The following WASF2 variants were observed in gnomAD, a reference collection of about 807,000 sequenced individuals.
WASF2 encodes the protein actin-binding protein WASF2.
Under a neutral mutation model 45.0 loss-of-function variants are expected in WASF2, and 14 were observed. The observed-to-expected ratio is 0.31, with a 90% CI of 0.21 to 0.49. The LOEUF (loss-of-function observed/expected upper bound fraction) is 0.49, where lower values mean the gene tolerates loss of function less well. Among genes scored for constraint, WASF2 ranks in the 20% least tolerant of loss-of-function variants. WASF2 has a pLI of 0.99. For synonymous variants in WASF2, 200 were observed against 236.3 expected, an observed-to-expected ratio of 0.85 and a Z score of 1.41; for missense variants, 439 against 636.1, an observed-to-expected ratio of 0.69 and a Z score of 3.33.
intron 1 of WASF2, among the ~76,000 whole-genome samples, chr1:27,432,054 CA>C (rs2017072361): frequency 6.6e-6 from 1 of 152,086 alleles, no homozygotes; most frequent in Non-Finnish European, 1.5e-5. Flanking sequence ...TTTGGATAAT[CA>C]AGGATTGGTT....
intron 2 of WASF2, 56 bp downstream of exon 2, chr1:27,428,705 A>C (rs2148111854): frequency 6.2e-7 from 1 of 1,613,310 alleles, no homozygotes; most frequent in South Asian, 1.1e-5. Flanking sequence ...AAGGAAACTA[A>C]ATAAAGAGCA....
intron 1 of WASF2, among the ~76,000 whole-genome samples, chr1:27,468,243 T>C (rs926516825): frequency 6.6e-6 from 1 of 151,972 alleles, no homozygotes; most frequent in Non-Finnish European, 1.5e-5. Flanking sequence ...GATAGAGGAA[T>C]ATAAATGAAT....
intron 8 of WASF2, among the ~76,000 whole-genome samples, chr1:27,409,030 G>A (rs1427706283): frequency 6.6e-6 from 1 of 151,712 alleles, no homozygotes; most frequent in African/African-American, 2.4e-5. Context: ...ACCCTTCGGA[G>A]AAACTGATGA....
intron 1 of WASF2, among the ~76,000 whole-genome samples, chr1:27,444,410 C>T (rs187552210): frequency 1.3e-5 from 2 of 152,260 alleles, no homozygotes; most frequent in East Asian, 1.9e-4. Context: ...GATGTGATAA[C>T]ATATGTAAGC....
At position 27,477,681 on chromosome 1, in the gene WASF2, C is replaced by CTTGAAACCAG. The variant is rs2017784712; in HGVS notation, c.-44+12304_-44+12305insCTGGTTTCAA. Among the ~76,000 whole-genome samples, 2 of 104,898 alleles carry CTTGAAACCAG rather than the reference C, an allele frequency of 1.9e-5. 1 individual carries two copies. Among genetic ancestry groups the CTTGAAACCAG allele is most frequent in the South Asian group, 7.6e-4 (2 of 2,632 alleles). The allele number at this position is 104,898 out of a possible 152,430, so 68.8% of individuals were successfully genotyped here. ...TTGGGAGGCCGAGGCGGGCGGATCA[C>CTTGAAACCAG]GAGGTCAGGAGATCGAGACCATCCC... is the stretch of plus-strand genomic sequence containing the variant. On this transcript the variant is annotated intron_variant, in intron 1 of 8. Transcript: ENST00000618852.
At chr1:27,489,813 G>T (rs1322250474) in intron 1 of WASF2, among the ~76,000 whole-genome samples, 173 bp downstream of exon 1, 1 of 152,184 alleles carries the variant, frequency 6.6e-6, no homozygotes, top group Non-Finnish European at 1.5e-5. Context: ...CCTCCCTGAG[G>T]GGGTGGGGTG....
At chr1:27,425,289 T>A (rs1162537950) in intron 2 of WASF2, among the ~76,000 whole-genome samples, 1 of 152,208 alleles carries the variant, frequency 6.6e-6, no homozygotes, top group Non-Finnish European at 1.5e-5. Flanking sequence ...GGTCTCAGTA[T>A]ATTGCCAGGA....
At chr1:27,439,709 C>T (rs1445643417) in intron 1 of WASF2, among the ~76,000 whole-genome samples, 1 of 152,124 alleles carries the variant, frequency 6.6e-6, no homozygotes, top group Non-Finnish European at 1.5e-5. Flanking sequence ...CCTTAAAGAT[C>T]TGAACTGGGG....
chr1:27,412,561 C>A lies in WASF2; in HGVS notation c.824+11G>T. On this transcript the variant is annotated intron_variant, in intron 7 of 8. Transcript: ENST00000618852. ...CTACCAATAGTGGATGGAGTAGGTA[C>A]CACCATTTACCTGAATTCTGCTGGT... 1 of 1,614,132 alleles carries A rather than the reference C, an allele frequency of 6.2e-7. No individual in the cohort carries two copies. Among genetic ancestry groups the A allele is most frequent in the Non-Finnish European group, 8.5e-7 (1 of 1,180,002 alleles).
intron 1 of WASF2, among the ~76,000 whole-genome samples, chr1:27,467,819 G>A (rs2017636137): frequency 6.6e-6 from 1 of 151,834 alleles, no homozygotes; most frequent in African/African-American, 2.4e-5. Context: ...GGCTGAGGCA[G>A]GAGAATCGCT....
intron 7 of WASF2, 42 bp downstream of exon 7, chr1:27,412,530 G>A (rs1557595816): frequency 6.2e-7 from 1 of 1,611,816 alleles, no homozygotes; most frequent in East Asian, 2.2e-5. Context: ...GTTCTCAAGT[G>A]TATAACTACC....
chr1:27,469,801 G>A (rs2017665557), intron 1 of WASF2, among the ~76,000 whole-genome samples: 1 of 152,076 alleles, frequency 6.6e-6, no homozygotes, highest in South Asian at 2.1e-4. Context: ...AATTAGCCAG[G>A]TGTGGTGGTG....
intron 2 of WASF2, among the ~76,000 whole-genome samples, chr1:27,426,946 G>A (rs2016989491): frequency 6.6e-6 from 1 of 152,074 alleles, no homozygotes; most frequent in South Asian, 2.1e-4. Flanking sequence ...CATAAAGTAG[G>A]CAATCAACAA....
intron 1 of WASF2, among the ~76,000 whole-genome samples, chr1:27,483,935 G>A (rs2017888789): frequency 6.6e-6 from 1 of 152,142 alleles, no homozygotes; most frequent in African/African-American, 2.4e-5. Flanking sequence ...ACTCAAGCCA[G>A]GGCAACAGAG....
intron 1 of WASF2, among the ~76,000 whole-genome samples, chr1:27,433,720 G>A (rs1179288478): frequency 6.6e-6 from 1 of 152,174 alleles, no homozygotes; most frequent in Non-Finnish European, 1.5e-5. Context: ...GCAGGGGTGA[G>A]TCCAGCCCCT....
intron 1 of WASF2, among the ~76,000 whole-genome samples, chr1:27,440,859 A>AAG (rs2017215308): frequency 6.6e-6 from 1 of 152,144 alleles, no homozygotes; most frequent in Non-Finnish European, 1.5e-5. Context: ...GTGGTCCCAT[A>AAG]AGATCATAAC....
chr1:27,455,128 CAG>C (rs2017450652), intron 1 of WASF2, among the ~76,000 whole-genome samples: 1 of 152,070 alleles, frequency 6.6e-6, no homozygotes, highest in African/African-American at 2.4e-5. Flanking sequence ...CATTTTTTGT[CAG>C]ACTTTAATTT....
intron 1 of WASF2, among the ~76,000 whole-genome samples, chr1:27,485,354 G>A (rs777292768): frequency 2.0e-5 from 3 of 152,032 alleles, no homozygotes; most frequent in East Asian, 1.9e-4. Context: ...AGGCCAAGGC[G>A]GGAAGATCAC....
intron 7 of WASF2, among the ~76,000 whole-genome samples, chr1:27,411,283 C>T (rs146951087): frequency 7.5e-4 from 114 of 152,374 alleles, no homozygotes; most frequent in African/African-American, 2.5e-3. Flanking sequence ...ACGGAGAAAA[C>T]AGTGCAATCT....
Sources: allele counts gnomAD v4.1 joint callset (sites outside exome capture counted in the v4.1 genomes callset), GRCh38; gene constraint gnomAD v4.1.1; transcripts MANE v1.5; gene names NCBI Gene and HGNC (gene_info 2026-07-23, HGNC 2026-07-21).